The following COL13A1 variants were observed in gnomAD, a reference collection of about 807,000 sequenced individuals.
The protein encoded by COL13A1 is collagen alpha-1(XIII) chain.
Under a neutral mutation model 130.9 loss-of-function variants are expected in COL13A1, and 89 were observed. The ratio of observed to expected loss-of-function variants is 0.68; its 90% confidence interval spans 0.57 to 0.81. The LOEUF (loss-of-function observed/expected upper bound fraction) is 0.81. COL13A1 is among the 30% of genes least tolerant of loss of function. The pLI, the probability that COL13A1 is intolerant of heterozygous loss-of-function variation, is 0.00. For missense variants in COL13A1, 879 were observed against 934.6 expected (o/e 0.94, Z 0.78); for synonymous variants, 402 against 341.6 (o/e 1.18, Z -1.95).
chr10:69,830,087 G>T (rs1848458913), intron 2 of COL13A1, among the ~76,000 whole-genome samples: 1 of 152,238 alleles, frequency 6.6e-6, no homozygotes. Context: ...CCCAGACCTT[G>T]AAGGACTCTG....
chr10:69,833,304 A>C (rs1849248242), intron 2 of COL13A1, among the ~76,000 whole-genome samples: 1 of 152,194 alleles, frequency 6.6e-6, no homozygotes, highest in South Asian at 2.1e-4. Flanking sequence ...AGTTACAGTA[A>C]CTAGATTGAG....
chr10:69,867,666 G>A, intron 2 of COL13A1, 132 bp from the exon 3 acceptor site: 1 of 644,682 alleles, frequency 1.6e-6, no homozygotes, highest in East Asian at 2.8e-5. Flanking sequence ...AGTAGGCCAG[G>A]AAAAGACAAA....
At chr10:69,903,529 CA>C (rs2135156093) in intron 15 of COL13A1, among the ~76,000 whole-genome samples, 1 of 152,346 alleles carries the variant, frequency 6.6e-6, no homozygotes, top group East Asian at 1.9e-4. Context: ...CCAATTTATA[CA>C]ACAAAGCCCC....
chr10:69,891,565 C>T (rs893828095), intron 10 of COL13A1, among the ~76,000 whole-genome samples: 13 of 152,178 alleles, frequency 8.5e-5, no homozygotes, highest in Non-Finnish European at 1.5e-4. Flanking sequence ...AAATGCATTT[C>T]CCCCCGCCCC....
chr10:69,894,794 A>T, intron 12 of COL13A1, 93 bp downstream of exon 12: 1 of 1,540,546 alleles, frequency 6.5e-7, no homozygotes, highest in Non-Finnish European at 8.9e-7. Context: ...TTCAAACTTC[A>T]GTTTTAATTG....
chr10:69,867,337 G>A (rs1433889925), intron 2 of COL13A1, among the ~76,000 whole-genome samples: 6 of 152,232 alleles, frequency 3.9e-5, no homozygotes, highest in East Asian at 1.9e-4. Context: ...ATCCACGCCC[G>A]CCCCTGCCTG....
At chr10:69,804,691 A>G (rs1174104479) in intron 1 of COL13A1, among the ~76,000 whole-genome samples, 2 of 151,284 alleles carry the variant, frequency 1.3e-5, no homozygotes, top group Non-Finnish European at 2.9e-5. Context: ...TCATTCAGAA[A>G]ATGTTTACTG....
Position 69,933,445 on chromosome 10 carries a change from C to T in COL13A1, c.1728+841C>T, listed in dbSNP as rs142594595. ...GACAGCAGAGAATCAGGCATATTTG[C>T]GGGCTCAGGGGCAAGAACCCGGAAA... On this transcript the variant is annotated intron_variant, in intron 31 of 40. Coordinates refer to ENST00000645393, the MANE Select transcript of COL13A1 (RefSeq NM_001368882.1). 4.6e-3 allele frequency among the ~76,000 whole-genome samples: 697 copies of T among 152,170 alleles called. 4 individuals carry two copies. The highest frequency in any genetic ancestry group is 7.0e-3 in the Non-Finnish European group (473 of 67,998).
intron 1 of COL13A1, among the ~76,000 whole-genome samples, chr10:69,810,878 C>T (rs541959468): frequency 7.9e-5 from 12 of 152,334 alleles, no homozygotes; most frequent in East Asian, 5.8e-4. Flanking sequence ...CTGTCTGTGG[C>T]GGAAGGGGTG....
rs1480562957 is a variant in COL13A1, at chr10:69,919,089, G to A, written c.1026+1G>A. 1.9e-6 allele frequency: 3 copies of A among 1,614,034 alleles called. No individual in the cohort carries two copies. Among genetic ancestry groups the A allele is most frequent in the Non-Finnish European group, 2.5e-6 (3 of 1,179,872 alleles). Reference sequence around the variant, plus strand: ...TGAGCCAGGGATCCCAGGAACCAAGGTACTGATGCAGAGAGAATGTTCCGG... The same window carrying A: ...TGAGCCAGGGATCCCAGGAACCAAGATACTGATGCAGAGAGAATGTTCCGG... On this transcript the variant is annotated splice_donor_variant, in intron 20 of 40. Coordinates refer to ENST00000645393, the MANE Select transcript of COL13A1 (RefSeq NM_001368882.1). LOFTEE classifies it high-confidence loss of function.
chr10:69,943,535 C>T (rs1380873805), intron 35 of COL13A1, among the ~76,000 whole-genome samples: 6 of 151,994 alleles, frequency 3.9e-5, no homozygotes, highest in African/African-American at 7.3e-5. Flanking sequence ...AGGCCGGTGT[C>T]GGTGCAGACA....
intron 13 of COL13A1, 132 bp from the exon 14 acceptor site, chr10:69,898,565 A>G (rs1398857828): frequency 4.5e-6 from 3 of 659,658 alleles, no homozygotes; most frequent in South Asian, 2.0e-5. Flanking sequence ...GTGCACGCTA[A>G]TCTCTCTTCT....
At chr10:69,852,127 G>C (rs912465789) in intron 2 of COL13A1, among the ~76,000 whole-genome samples, 1 of 152,238 alleles carries the variant, frequency 6.6e-6, no homozygotes, top group East Asian at 1.9e-4. Flanking sequence ...TCATTATCTA[G>C]GTTTCGACTC....
chr10:69,856,082 A>G (rs1856370808), intron 2 of COL13A1, among the ~76,000 whole-genome samples: 2 of 152,210 alleles, frequency 1.3e-5, no homozygotes, highest in South Asian at 2.1e-4. Flanking sequence ...TGTATTGCGA[A>G]TTAGCAGCTT....
rs1850263279 is a variant in COL13A1, at chr10:69,837,002, G to T, written c.364+14564G>T. ...GGTCCCAACCTCCCAGGGGCAGCAGGTACTGGGCAGCTGTGCCGTGTGTTC... is the reference window on the plus strand; with the variant it reads ...GGTCCCAACCTCCCAGGGGCAGCAGTTACTGGGCAGCTGTGCCGTGTGTTC... On this transcript the variant is annotated intron_variant, in intron 2 of 40. Transcript: ENST00000645393. Among the ~76,000 whole-genome samples, 5 of 152,184 alleles carry T rather than the reference G, an allele frequency of 3.3e-5. 1 individual carries two copies. In the South Asian group the frequency reaches 1.0e-3, roughly 32 times the overall value.
chr10:69,831,221 CGT>C (rs1589302042), intron 2 of COL13A1, among the ~76,000 whole-genome samples: 2 of 152,312 alleles, frequency 1.3e-5, no homozygotes, highest in East Asian at 1.9e-4. Context: ...GCCTAAATCC[CGT>C]GTGTGTGCAC....
At chr10:69,831,477 G>A (rs899894121) in intron 2 of COL13A1, among the ~76,000 whole-genome samples, 12 of 152,294 alleles carry the variant, frequency 7.9e-5, no homozygotes, top group African/African-American at 2.2e-4. Flanking sequence ...TCACCATGGG[G>A]TGGCTATTTG....
Position 69,925,653 on chromosome 10 carries a change from G to A in COL13A1, c.1330-151G>A, listed in dbSNP as rs563809480. 12 of 625,884 alleles carry A rather than the reference G, an allele frequency of 1.9e-5. No individual in the cohort carries two copies. In the South Asian group the frequency reaches 2.2e-4, roughly 11 times the overall value. The allele number at this position is 625,884 out of a possible 1,614,324, so 38.8% of individuals were successfully genotyped here. A position where few individuals can be genotyped will look rare whatever the true frequency, so the allele number is the denominator to read the frequency against. Reference sequence around the variant, plus strand: ...TGCAATCCCCGAGCATCCTCTGAGAGTGTTCAGAATCCCCAGGGCCCCGCT... The same window carrying A: ...TGCAATCCCCGAGCATCCTCTGAGAATGTTCAGAATCCCCAGGGCCCCGCT... On this transcript the variant is annotated intron_variant, in intron 25 of 40. Coordinates refer to ENST00000645393, the MANE Select transcript of COL13A1 (RefSeq NM_001368882.1).
intron 17 of COL13A1, among the ~76,000 whole-genome samples, chr10:69,909,282 C>T (rs1376467065): frequency 6.6e-6 from 1 of 152,226 alleles, no homozygotes. Flanking sequence ...ATGCTGGACT[C>T]TTGCCTCCCA....
Sources: allele counts gnomAD v4.1 joint callset (sites outside exome capture counted in the v4.1 genomes callset), GRCh38; gene constraint gnomAD v4.1.1; transcripts MANE v1.5; gene names NCBI Gene and HGNC (gene_info 2026-07-23, HGNC 2026-07-21).